The following ZNF714 variants were observed in gnomAD, a reference collection of about 807,000 sequenced individuals.
The protein encoded by ZNF714 is zinc finger protein 714.
In ZNF714, 32 loss-of-function variants were observed where a neutral mutation model predicts 46.2. The ratio of observed to expected loss-of-function variants is 0.69; its 90% confidence interval spans 0.52 to 0.93. The LOEUF is 0.93. Among genes scored for constraint, ZNF714 ranks in the 40% least tolerant of loss-of-function variants. ZNF714 has a pLI of 0.00. For missense variants in ZNF714, 635 were observed against 646.3 expected (o/e 0.98, Z 0.19); for synonymous variants, 199 against 213.1 (o/e 0.93, Z 0.58).
chr19:21,114,826 T>C (rs1481170961), intron 4 of ZNF714, among the ~76,000 whole-genome samples: 1 of 152,176 alleles, frequency 6.6e-6, no homozygotes, highest in Admixed American at 6.5e-5. Flanking sequence ...AATAGCTCTA[T>C]CTAGCAAGGC....
intron 4 of ZNF714, among the ~76,000 whole-genome samples, chr19:21,102,366 T>C (rs1359010893): frequency 6.6e-6 from 1 of 152,216 alleles, no homozygotes; most frequent in Non-Finnish European, 1.5e-5. Context: ...TTAAGTTTGC[T>C]GCAGGTAAAA....
At chr19:21,115,240 A>G (rs1969564041) in intron 4 of ZNF714, among the ~76,000 whole-genome samples, 1 of 151,044 alleles carries the variant, frequency 6.6e-6, no homozygotes, top group African/African-American at 2.4e-5. Flanking sequence ...GTTTATAATG[A>G]TTTCTATTCT....
Position 21,117,320 on chromosome 19 carries a change from AT to A in ZNF714, c.657del (p.His219GlnfsTer3). The A allele has an allele frequency of 6.2e-7, 1 of 1,612,260 alleles. No homozygotes were observed. The highest frequency in any genetic ancestry group is 8.5e-7 in the Non-Finnish European group (1 of 1,178,582). On this transcript the variant is annotated frameshift_variant, in exon 5 of 5. Coordinates refer to ENST00000456283, the MANE Select transcript of ZNF714 (RefSeq NM_182515.4). LOFTEE classifies it high-confidence loss of function. ...AFKHSSTLTT[H>X]KMIHTGEKPY... ...AAGCACTCCTCAACCCTTACTACAC[AT>A]AAGATGATTCATACTGGAGAGAAAC...
At chr19:21,084,389 C>T (rs954556938) in intron 2 of ZNF714, among the ~76,000 whole-genome samples, 1 of 151,958 alleles carries the variant, frequency 6.6e-6, no homozygotes, top group East Asian at 1.9e-4. Flanking sequence ...AATTCTGTCA[C>T]CCATAGCCAT....
At chr19:21,108,078 C>T (rs1476807894) in intron 4 of ZNF714, among the ~76,000 whole-genome samples, 1 of 152,092 alleles carries the variant, frequency 6.6e-6, no homozygotes, top group African/African-American at 2.4e-5. Flanking sequence ...CATGCACTAC[C>T]ATGCCTCGCT....
intron 2 of ZNF714, among the ~76,000 whole-genome samples, chr19:21,093,203 C>G (rs1193073196): frequency 6.7e-6 from 1 of 150,178 alleles, no homozygotes; most frequent in Admixed American, 6.7e-5. Context: ...CATACCTGGC[C>G]TTGCAAATAA....
Position 21,123,761 on chromosome 19 carries a change from T to C in ZNF714, c.*5429T>C, listed in dbSNP as rs1969747835. The C allele has an allele frequency of 6.6e-6, 1 of 152,200 alleles. No homozygotes were observed. Among genetic ancestry groups the C allele is most frequent in the Admixed American group, 6.5e-5 (1 of 15,274 alleles). The allele number at this position is 152,200 out of a possible 1,614,324, so 9.4% of individuals were successfully genotyped here. On this transcript the variant is annotated 3_prime_UTR_variant, in exon 5 of 5. Coordinates refer to ENST00000456283, the MANE Select transcript of ZNF714 (RefSeq NM_182515.4). ...CAAAATAATAAAATGACCTCTGAAT[T>C]TAAAATTTAGAAAAATATGTCTTTT...
chr19:21,083,395 CTTAA>C (rs1382974178), intron 1 of ZNF714, among the ~76,000 whole-genome samples: 1 of 152,116 alleles, frequency 6.6e-6, no homozygotes, highest in African/African-American at 2.4e-5. Flanking sequence ...TTTCCCGCCG[CTTAA>C]TTATTTTCAC....
intron 2 of ZNF714, among the ~76,000 whole-genome samples, chr19:21,090,759 A>G (rs1968889402): frequency 6.6e-6 from 1 of 152,120 alleles, no homozygotes; most frequent in Non-Finnish European, 1.5e-5. Context: ...AAGTAAAGCA[A>G]TAAAAGAGTG....
chr19:21,096,897 C>T (rs569344084), intron 2 of ZNF714, among the ~76,000 whole-genome samples: 19 of 152,206 alleles, frequency 1.2e-4, no homozygotes, highest in Middle Eastern at 3.4e-3. Flanking sequence ...GACAGAGTCT[C>T]GCTCTGTTGC....
rs1968667500 is a variant in ZNF714 at position 21,082,264 on chromosome 19, G to A, written c.-261G>A. 7.2e-7 allele frequency: 1 copy of A among 1,383,300 alleles called. No individual in the cohort carries two copies. Among genetic ancestry groups the A allele is most frequent in the Non-Finnish European group, 9.8e-7 (1 of 1,019,004 alleles). The allele number at this position is 1,383,300 out of a possible 1,614,324, so 85.7% of individuals were successfully genotyped here. A position where few individuals can be genotyped will look rare whatever the true frequency, so the allele number is the denominator to read the frequency against. On this transcript the variant is annotated 5_prime_UTR_variant, in exon 1 of 5. Transcript: ENST00000456283. Reference sequence around the variant, plus strand: ...CACTGCCCTGTGTCCTCTGCTCGCAGAGGCCCAGCCTCTGTGGCCCTGTGA... The same window carrying A: ...CACTGCCCTGTGTCCTCTGCTCGCAAAGGCCCAGCCTCTGTGGCCCTGTGA...
In ZNF714 at chr19:21,117,300, C is replaced by T. The variant is rs183881218; in HGVS notation, c.636C>T (p.His212=). 55 of 1,611,928 alleles carry T rather than the reference C, an allele frequency of 3.4e-5. No individual in the cohort carries two copies. Among genetic ancestry groups the T allele is most frequent in the Non-Finnish European group, 4.5e-5 (53 of 1,179,180 alleles). ...KCEECGKAFK[H]SSTLTTHKMI... is the part of the protein sequence containing the mutation. ...AAGAATGTGGCAAAGCTTTTAAGCA[C>T]TCCTCAACCCTTACTACACATAAGA... Residue 212 remains histidine, a synonymous_variant, in exon 5 of 5, where the codon CAC becomes CAT. Transcript: ENST00000456283.
intron 3 of ZNF714, 46 bp from the exon 4 acceptor site, chr19:21,098,766 A>ACTGAGCACAGT: frequency 7.3e-7 from 1 of 1,376,310 alleles, no homozygotes; most frequent in South Asian, 1.3e-5. Context: ...CTAGGTTGGT[A>ACTGAGCACAGT]ACTAGAGAAT....
Position 21,123,965 on chromosome 19 carries a change from T to C in ZNF714, c.*5633T>C, listed in dbSNP as rs891110308. ...AGTTTTGGATTAAAACATTCTGTTA[T>C]TTTGCATGCAAACTAGTTTACTGTG... On this transcript the variant is annotated 3_prime_UTR_variant, in exon 5 of 5. Coordinates refer to ENST00000456283, the MANE Select transcript of ZNF714 (RefSeq NM_182515.4). 4 of 152,196 alleles carry C rather than the reference T, an allele frequency of 2.6e-5. No individual in the cohort carries two copies. Among genetic ancestry groups the C allele is most frequent in the African/African-American group, 9.6e-5 (4 of 41,456 alleles). 9.4% of individuals were successfully genotyped at this position (152,196 alleles called of 1,614,324 possible). A position where few individuals can be genotyped will look rare whatever the true frequency, so the allele number is the denominator to read the frequency against.
intron 1 of ZNF714, 60 bp downstream of exon 1, chr19:21,082,408 A>G: frequency 1.4e-6 from 2 of 1,431,648 alleles, no homozygotes; most frequent in Non-Finnish European, 1.9e-6. Flanking sequence ...AAGCGGTGGG[A>G]AGTGGCTGTG....
Position 21,117,289 on chromosome 19 carries a change from G to T in ZNF714, c.625G>T (p.Ala209Ser). ...CTTCAAATGTGAAGAATGTGGCAAA[G>T]CTTTTAAGCACTCCTCAACCCTTAC... ...KPFKCEECGK[A>S]FKHSSTLTTH... Residue 209 changes from alanine (A) to serine (S), a missense_variant, in exon 5 of 5, where the codon GCT becomes TCT. Ala to Ser is a moderately conservative substitution (Grantham distance 99, BLOSUM62 1). Transcript: ENST00000456283. 6.2e-7 allele frequency: 1 copy of T among 1,613,806 alleles called. No individual in the cohort carries two copies. Among genetic ancestry groups the T allele is most frequent in the Non-Finnish European group, 8.5e-7 (1 of 1,179,912 alleles).
chr19:21,104,740 G>A (rs1969271727), intron 4 of ZNF714, among the ~76,000 whole-genome samples: 1 of 151,476 alleles, frequency 6.6e-6, no homozygotes, highest in Non-Finnish European at 1.5e-5. Context: ...AGCCTCCCGA[G>A]TAGCTGAGAT....
In ZNF714 at chr19:21,117,855, C is replaced by A; in HGVS notation, c.1191C>A (p.Tyr397Ter). ...HKIIHTGEKP[Y>*]KCEECGKAFN... ...TAATTCATACTGGAGAGAAACCTTA[C>A]AAATGTGAAGAATGTGGCAAAGCTT... is the stretch of plus-strand genomic sequence containing the variant. The change falls in exon 5 of 5, where the codon TAC becomes TAA. Residue 397 changes from tyrosine (Y) to a stop codon, truncating the protein, a stop_gained. Coordinates refer to ENST00000456283, the MANE Select transcript of ZNF714 (RefSeq NM_182515.4). LOFTEE classifies it high-confidence loss of function. 1 of 1,613,162 alleles carries A rather than the reference C, an allele frequency of 6.2e-7. No homozygotes were observed. Among genetic ancestry groups the A allele is most frequent in the South Asian group, 1.1e-5 (1 of 91,076 alleles).
intron 4 of ZNF714, among the ~76,000 whole-genome samples, chr19:21,106,825 T>C (rs1969329954): frequency 6.6e-6 from 1 of 151,974 alleles, no homozygotes; most frequent in South Asian, 2.1e-4. Context: ...AGCTTATTTA[T>C]GTATGTATGT....
Sources: allele counts gnomAD v4.1 joint callset (sites outside exome capture counted in the v4.1 genomes callset), GRCh38; gene constraint gnomAD v4.1.1; transcripts MANE v1.5; gene names NCBI Gene and HGNC (gene_info 2026-07-23, HGNC 2026-07-21).